MDGA2: variants seen among roughly 807,000 people sequenced by gnomAD.
MDGA2 encodes the protein MAM domain containing glycosylphosphatidylinositol anchor 2.
In MDGA2, 40 loss-of-function variants were observed where a neutral mutation model predicts 117.8. The ratio of observed to expected loss-of-function variants is 0.34; its 90% confidence interval spans 0.26 to 0.44. The LOEUF (loss-of-function observed/expected upper bound fraction) is 0.44. MDGA2 is among the 20% of genes least tolerant of loss of function. The pLI, the probability that MDGA2 is intolerant of heterozygous loss-of-function variation, is 1.00. For missense variants in MDGA2, 1,123 were observed against 1,250.6 expected (o/e 0.90, Z 1.54); for synonymous variants, 452 against 439.0 (o/e 1.03, Z -0.37).
At chr14:47,239,191 G>A (rs926889811) in intron 2 of MDGA2, among the ~76,000 whole-genome samples, 12 of 148,748 alleles carry the variant, frequency 8.1e-5, no homozygotes, top group South Asian at 2.1e-4. Context: ...TGACCCTGAC[G>A]ACCGTAACCT....
intron 1 of MDGA2, among the ~76,000 whole-genome samples, chr14:47,473,421 T>C (rs952345925): frequency 6.6e-5 from 10 of 152,178 alleles, no homozygotes; most frequent in Admixed American, 6.6e-4. Flanking sequence ...GAATATATTG[T>C]ACTCTAAAGC....
At position 47,508,059 on chromosome 14, in the gene MDGA2, G is replaced by C. The variant is rs192789164; in HGVS notation, c.280+166458C>G. 1.6e-4 allele frequency among the ~76,000 whole-genome samples: 24 copies of C among 152,214 alleles called. No homozygotes were observed. In the East Asian group the frequency reaches 3.5e-3, roughly 22 times the overall value. ...TATTTTTGAATGGCTCTATTTGTTAGGAAGTCTTCCTGATATAGTAGTGTA... is the reference window on the plus strand; with the variant it reads ...TATTTTTGAATGGCTCTATTTGTTACGAAGTCTTCCTGATATAGTAGTGTA... On this transcript the variant is annotated intron_variant, in intron 1 of 16. Coordinates refer to ENST00000399232, the MANE Select transcript of MDGA2 (RefSeq NM_001113498.3).
chr14:47,082,454 T>G (rs1890742289), intron 6 of MDGA2, among the ~76,000 whole-genome samples: 1 of 151,664 alleles, frequency 6.6e-6, no homozygotes, highest in Non-Finnish European at 1.5e-5. Flanking sequence ...TGGTCCAGAG[T>G]ACTCGACTGG....
intron 1 of MDGA2, among the ~76,000 whole-genome samples, chr14:47,541,360 T>C (rs944073298): frequency 6.6e-6 from 1 of 152,190 alleles, no homozygotes; most frequent in Non-Finnish European, 1.5e-5. Flanking sequence ...ACGAAATATG[T>C]CCAGAGGCAG....
intron 5 of MDGA2, among the ~76,000 whole-genome samples, chr14:47,131,380 C>G (rs1882196603): frequency 6.6e-6 from 1 of 151,852 alleles, no homozygotes; most frequent in African/African-American, 2.4e-5. Context: ...CATTTAGCAA[C>G]TTCAATCACG....
At chr14:46,973,140 A>G (rs1360675416) in intron 8 of MDGA2, among the ~76,000 whole-genome samples, 1 of 152,178 alleles carries the variant, frequency 6.6e-6, no homozygotes, top group Non-Finnish European at 1.5e-5. Flanking sequence ...ATGTAGAGCA[A>G]TGTGAATTTT....
intron 1 of MDGA2, among the ~76,000 whole-genome samples, chr14:47,338,412 C>T (rs1201037895): frequency 6.6e-6 from 1 of 150,650 alleles, no homozygotes; most frequent in Non-Finnish European, 1.5e-5. Flanking sequence ...GTATCATGGG[C>T]TATAATGTCC....
At chr14:47,575,896 A>C (rs1896107493) in intron 1 of MDGA2, among the ~76,000 whole-genome samples, 1 of 152,202 alleles carries the variant, frequency 6.6e-6, no homozygotes, top group Non-Finnish European at 1.5e-5. Flanking sequence ...TTTCCTATCA[A>C]TTTATATTTA....
chr14:47,307,844 G>A (rs1219422244), intron 1 of MDGA2, among the ~76,000 whole-genome samples: 1 of 152,136 alleles, frequency 6.6e-6, no homozygotes, highest in Non-Finnish European at 1.5e-5. Flanking sequence ...ACATAGAATA[G>A]AGGAGAGTTC....
chr14:47,580,651 A>G (rs1566525452), intron 1 of MDGA2, among the ~76,000 whole-genome samples: 2 of 151,988 alleles, frequency 1.3e-5, no homozygotes, highest in Admixed American at 6.6e-5. Context: ...GAGTCTCTAT[A>G]TATTTGAAAG....
rs895793409 is a variant in MDGA2, at chr14:47,526,983, T to C, written c.280+147534A>G. Among the ~76,000 whole-genome samples the C allele has an allele frequency of 5.3e-5, 8 of 152,176 alleles. No homozygotes were observed. In the East Asian group the frequency reaches 5.8e-4, roughly 11 times the overall value. On this transcript the variant is annotated intron_variant, in intron 1 of 16. Transcript: ENST00000399232. ...AGATTTTGGTATGTCATTTTAATTG[T>C]AGAGAGTGCAGTGAGCTTATCACAG...
chr14:47,593,946 C>A (rs7154626), intron 1 of MDGA2, among the ~76,000 whole-genome samples: 15,336 of 152,148 alleles, frequency 0.1, 860 homozygotes, highest in Middle Eastern at 0.14. Context: ...TTAGTTACTG[C>A]AAATATTTCT....
intron 3 of MDGA2, among the ~76,000 whole-genome samples, chr14:47,187,090 A>G (rs1884938719): frequency 4.6e-5 from 7 of 151,894 alleles, no homozygotes; most frequent in Admixed American, 2.0e-4. Context: ...AATTTTCCCA[A>G]TTGTAAGAAA....
intron 1 of MDGA2, among the ~76,000 whole-genome samples, chr14:47,513,853 C>T (rs1251288382): frequency 6.6e-6 from 1 of 152,050 alleles, no homozygotes; most frequent in African/African-American, 2.4e-5. Context: ...TGAATCAATT[C>T]AACAACATTT....
At chr14:47,641,693 A>G (rs1897428184) in intron 1 of MDGA2, among the ~76,000 whole-genome samples, 1 of 152,124 alleles carries the variant, frequency 6.6e-6, no homozygotes, top group Admixed American at 6.5e-5. Context: ...CTCTTAGAAT[A>G]TATTTTAGGT....
At chr14:47,155,101 T>C (rs1883313974) in intron 3 of MDGA2, among the ~76,000 whole-genome samples, 1 of 152,112 alleles carries the variant, frequency 6.6e-6, no homozygotes, top group Non-Finnish European at 1.5e-5. Flanking sequence ...TGTACACTCA[T>C]CATGACAACC....
intron 1 of MDGA2, among the ~76,000 whole-genome samples, chr14:47,537,574 TAAAAAAAAAAAAAAAAAAAAA>T (rs58060138): frequency 3.8e-4 from 14 of 36,612 alleles, no homozygotes; most frequent in Non-Finnish European, 5.0e-4. Context: ...TTCTCTCTGT[TAAAAAAAAAAAAAAAAAAAAA>T]AAAAAAAAAA....
At chr14:47,188,323 A>G (rs1414789779) in intron 3 of MDGA2, among the ~76,000 whole-genome samples, 1 of 152,174 alleles carries the variant, frequency 6.6e-6, no homozygotes, top group Non-Finnish European at 1.5e-5. Context: ...TTGGGTGTCC[A>G]CTATTGCTCT....
At chr14:47,164,873 T>A (rs192555217) in intron 3 of MDGA2, among the ~76,000 whole-genome samples, 7 of 152,276 alleles carry the variant, frequency 4.6e-5, no homozygotes. Flanking sequence ...AATGATAGAC[T>A]GGATTGAGAA....
Sources: gnomAD v4.1 joint callset for allele counts (sites outside exome capture counted in the v4.1 genomes callset) on GRCh38, gnomAD v4.1.1 for gene constraint, MANE v1.5 for transcripts, NCBI Gene and HGNC (gene_info 2026-07-23, HGNC 2026-07-21) for gene names.